Variants in RANBP2 observed in about 807,000 individuals in gnomAD.
RANBP2 encodes E3 SUMO-protein ligase RanBP2.
In RANBP2, 57 loss-of-function variants were observed where a neutral mutation model predicts 303.6. The ratio of observed to expected loss-of-function variants is 0.19; its 90% confidence interval spans 0.15 to 0.23. RANBP2 has a LOEUF of 0.23. RANBP2 is among the 10% of genes least tolerant of loss of function. The pLI, the probability that RANBP2 is intolerant of heterozygous loss-of-function variation, is 1.00. For missense variants in RANBP2, 3,138 were observed against 3,780.8 expected, an observed-to-expected ratio of 0.83 and a Z score of 4.46; for synonymous variants, 1,167 against 1,301.5, an observed-to-expected ratio of 0.90 and a Z score of 2.23.
At chr2:108,901,359 T>C in the RANBP2 span, among the ~76,000 whole-genome samples, 1 of 152,166 alleles carries the variant, frequency 6.6e-6, no homozygotes, top group Non-Finnish European at 1.5e-5. Context: ...ATAGGACAGA[T>C]ACATACAAAG....
At chr2:108,749,258 A>T (rs1162872390) in intron 9 of RANBP2, 129 bp downstream of exon 9, 10 of 1,481,598 alleles carry the variant, frequency 6.7e-6, no homozygotes, top group Non-Finnish European at 8.4e-6. Flanking sequence ...GGCTGGGGGG[A>T]GTTTGAATGT....
chr2:109,739,941 ATGTTACTC>A, the RANBP2 span, among the ~76,000 whole-genome samples: 1 of 146,286 alleles, frequency 6.8e-6, no homozygotes, highest in East Asian at 2.0e-4. Flanking sequence ...ATTTTATTTT[ATGTTACTC>A]TGTTACTCTG....
the RANBP2 span, among the ~76,000 whole-genome samples, chr2:108,952,994 GTTTAA>G: frequency 6.6e-6 from 1 of 152,082 alleles, no homozygotes; most frequent in African/African-American, 2.4e-5. Context: ...TTTAAAAAAC[GTTTAA>G]TTTTTGTGTG....
At chr2:109,533,347 A>G in the RANBP2 span, among the ~76,000 whole-genome samples, 457 of 152,306 alleles carry the variant, frequency 3.0e-3, 3 homozygotes, top group Non-Finnish European at 5.1e-3. Flanking sequence ...CTTTTTTGTT[A>G]GTGTGCTCTC....
chr2:109,097,570 A>G, the RANBP2 span, among the ~76,000 whole-genome samples: 1 of 152,150 alleles, frequency 6.6e-6, no homozygotes, highest in Admixed American at 6.5e-5. Flanking sequence ...GTGACAGTTG[A>G]AAATATGTCA....
the RANBP2 span, chr2:109,128,423 G>A: frequency 1.3e-5 from 2 of 152,134 alleles, no homozygotes; most frequent in African/African-American, 4.8e-5. Context: ...CCTGGCGCCA[G>A]GGTGCTGGTC....
chr2:109,115,091 G>C, the RANBP2 span, among the ~76,000 whole-genome samples: 1 of 152,116 alleles, frequency 6.6e-6, no homozygotes. Flanking sequence ...GTGTGGTGCT[G>C]GAAAAAATGT....
chr2:109,345,079 C>A, the RANBP2 span, among the ~76,000 whole-genome samples: 1 of 152,172 alleles, frequency 6.6e-6, no homozygotes, highest in Non-Finnish European at 1.5e-5. Flanking sequence ...ATCCCCGTGA[C>A]TCAGGAGTGT....
At chr2:109,277,262 C>T in the RANBP2 span, among the ~76,000 whole-genome samples, 1 of 152,174 alleles carries the variant, frequency 6.6e-6, no homozygotes, top group East Asian at 1.9e-4. Context: ...CCTCACTGTA[C>T]AGGAACCTGG....
chr2:109,299,994 C>T, the RANBP2 span, among the ~76,000 whole-genome samples: 1 of 152,170 alleles, frequency 6.6e-6, no homozygotes, highest in African/African-American at 2.4e-5. Context: ...TTCGCTCTTT[C>T]TTCAAGAATT....
chr2:109,028,722 TC>T, the RANBP2 span, among the ~76,000 whole-genome samples: 787 of 152,098 alleles, frequency 5.2e-3, 7 homozygotes, highest in African/African-American at 0.018. Flanking sequence ...TTCTTGCCCT[TC>T]CCCCACACAT....
the RANBP2 span, among the ~76,000 whole-genome samples, chr2:108,944,145 G>A: frequency 1.3e-5 from 2 of 152,066 alleles, no homozygotes; most frequent in South Asian, 2.1e-4. Flanking sequence ...ACAGAGTCTC[G>A]CTCTGTCAGC....
At chr2:109,513,620 C>T in the RANBP2 span, among the ~76,000 whole-genome samples, 10 of 152,202 alleles carry the variant, frequency 6.6e-5, no homozygotes, top group African/African-American at 1.9e-4. Context: ...TATGCACATG[C>T]GCACACATCA....
the RANBP2 span, chr2:109,564,430 A>T: frequency 6.3e-7 from 1 of 1,598,958 alleles, no homozygotes. Flanking sequence ...CAGCGCCTGT[A>T]AAGCTCATAG....
intron 8 of RANBP2, among the ~76,000 whole-genome samples, chr2:108,748,372 TA>T (rs1675546724): frequency 8.2e-6 from 1 of 121,678 alleles, no homozygotes. Context: ...CAGGGCCGGC[TA>T]ATTTTTTTTT....
At position 108,720,300 on chromosome 2, in the gene RANBP2, A is replaced by G. The variant is rs1694131290; in HGVS notation, c.72+622A>G. ...AGGGTCCAGCTCCACTCCGCTCCTC[A>G]TACTCACCTCCCTCGCCCCCCTCCC... On this transcript the variant is annotated intron_variant, in intron 1 of 28. Transcript: ENST00000283195. 4.9e-6 allele frequency: 4 copies of G among 823,714 alleles called. No homozygotes were observed. The South Asian group carries it at 2.4e-4, about 50-fold the overall frequency. The allele number at this position is 823,714 out of a possible 1,614,324, so 51.0% of individuals were successfully genotyped here.
the RANBP2 span, among the ~76,000 whole-genome samples, chr2:108,937,017 A>G: frequency 1.1e-4 from 16 of 152,200 alleles, no homozygotes; most frequent in Non-Finnish European, 1.5e-5. Flanking sequence ...GGCCCCCCAC[A>G]GTGCTGTGCC....
the RANBP2 span, among the ~76,000 whole-genome samples, chr2:109,041,282 CT>C: frequency 3.9e-5 from 6 of 152,200 alleles, no homozygotes; most frequent in East Asian, 5.8e-4. Context: ...TTTCTTCCCC[CT>C]GCTCTCTTAT....
the RANBP2 span, among the ~76,000 whole-genome samples, chr2:108,938,105 A>T: frequency 6.6e-6 from 1 of 152,238 alleles, no homozygotes; most frequent in Non-Finnish European, 1.5e-5. Context: ...CTCTCTGTGC[A>T]TCACTGAATC....
Sources: gnomAD v4.1 joint callset for allele counts (sites outside exome capture counted in the v4.1 genomes callset) on GRCh38, gnomAD v4.1.1 for gene constraint, MANE v1.5 for transcripts, NCBI Gene and HGNC (gene_info 2026-07-23, HGNC 2026-07-21) for gene names.